SYT17: variants seen among roughly 807,000 people sequenced by gnomAD.
The protein encoded by SYT17 is synaptotagmin 17, also known as synaptotagmin-17.
A neutral mutation model predicts 46.7 loss-of-function variants in SYT17; 22 were observed. That is an observed-to-expected ratio of 0.47 (90% CI 0.34 to 0.67). The LOEUF (loss-of-function observed/expected upper bound fraction) is 0.67, where lower values mean the gene tolerates loss of function less well. Among genes scored for constraint, SYT17 ranks in the 30% least tolerant of loss-of-function variants. The pLI is 0.01. For missense variants in SYT17, 519 were observed against 612.8 expected, an observed-to-expected ratio of 0.85 and a Z score of 1.62; for synonymous variants, 251 against 248.4, an observed-to-expected ratio of 1.01 and a Z score of -0.10.
At chr16:19,187,921 G>T (rs1964848330) in intron 5 of SYT17, among the ~76,000 whole-genome samples, 1 of 152,182 alleles carries the variant, frequency 6.6e-6, no homozygotes, top group Non-Finnish European at 1.5e-5. Context: ...GGAAGACAGT[G>T]TCGCAATTCC....
rs1470118174 is a variant in SYT17, at chr16:19,168,798, G to A, written c.15+137G>A. The A allele has an allele frequency of 8.5e-7, 1 of 1,179,414 alleles. No homozygotes were observed. Among genetic ancestry groups the A allele is most frequent in the Non-Finnish European group, 1.1e-6 (1 of 872,104 alleles). 73.1% of individuals were successfully genotyped at this position (1,179,414 alleles called of 1,614,324 possible). On this transcript the variant is annotated intron_variant, in intron 1 of 7. Coordinates refer to ENST00000355377, the MANE Select transcript of SYT17 (RefSeq NM_016524.4). The surrounding 1 kb of genome is among the most constrained non-coding windows in gnomAD (Gnocchi z 6.9). ...TTCGAGAAAAAGGGTGCCCGTGCGC[G>A]GGCAACCTGTGCAGCAACAGGGGTG...
intron 7 of SYT17, among the ~76,000 whole-genome samples, chr16:19,227,252 A>G (rs1242745816): frequency 6.6e-6 from 1 of 151,560 alleles, no homozygotes; most frequent in Non-Finnish European, 1.5e-5. Context: ...TGGGGCAGCC[A>G]CCACCTTCTC....
At chr16:19,197,424 T>C (rs1186713842) in intron 5 of SYT17, among the ~76,000 whole-genome samples, 1 of 127,526 alleles carries the variant, frequency 7.8e-6, no homozygotes, top group Non-Finnish European at 1.7e-5. Flanking sequence ...TTTTTTGTTT[T>C]GTTTTGTTTG....
intron 3 of SYT17, among the ~76,000 whole-genome samples, chr16:19,177,188 G>C (rs1053506494): frequency 6.6e-6 from 1 of 152,146 alleles, no homozygotes; most frequent in African/African-American, 2.4e-5. Flanking sequence ...ACTTCTTTTG[G>C]TTTTGCCACT....
At chr16:19,217,169 CTTAA>C (rs926512777) in intron 5 of SYT17, among the ~76,000 whole-genome samples, 2 of 152,058 alleles carry the variant, frequency 1.3e-5, no homozygotes, top group Non-Finnish European at 2.9e-5. Flanking sequence ...GCAATTATTT[CTTAA>C]TTGAGGTGAA....
chr16:19,219,350 C>T lies in SYT17; in HGVS notation c.952-3695C>T, dbSNP rs1427719254. ...CCGGGAAGCGGAGCTTGCAGTGAGCCGAGATTGCGCCACTGCAGTCCGCAG... is the reference window on the plus strand; with the variant it reads ...CCGGGAAGCGGAGCTTGCAGTGAGCTGAGATTGCGCCACTGCAGTCCGCAG... On this transcript the variant is annotated intron_variant, in intron 5 of 7. Transcript: ENST00000355377. Among the ~76,000 whole-genome samples, 4 of 21,670 alleles carry T rather than the reference C, an allele frequency of 1.8e-4. 2 individuals are homozygous for T. Among genetic ancestry groups the T allele is most frequent in the Non-Finnish European group, 2.7e-4 (4 of 14,588 alleles). The allele number at this position is 21,670 out of a possible 152,430, so 14.2% of individuals were successfully genotyped here.
chr16:19,250,953 A>T (rs919995524), intron 7 of SYT17, among the ~76,000 whole-genome samples: 3 of 152,062 alleles, frequency 2.0e-5, no homozygotes, highest in African/African-American at 7.2e-5. Context: ...TTTGACCTTT[A>T]TGTAAATGGG....
intron 5 of SYT17, among the ~76,000 whole-genome samples, chr16:19,211,683 G>A (rs1965908009): frequency 1.3e-5 from 2 of 151,696 alleles, no homozygotes; most frequent in South Asian, 4.2e-4. Context: ...TGCAGTGGCG[G>A]GATCTCAGCT....
intron 7 of SYT17, among the ~76,000 whole-genome samples, chr16:19,234,627 A>C (rs1966819987): frequency 6.6e-6 from 1 of 152,186 alleles, no homozygotes; most frequent in African/African-American, 2.4e-5. Context: ...CACAGACTTG[A>C]GTTTGAATCT....
rs1964150758 is a variant in SYT17, at chr16:19,172,775, G to A, written c.31G>A (p.Glu11Lys). Residue 11 changes from glutamate (E) to lysine (K), a missense_variant and splice_region_variant, in exon 2 of 8, where the codon GAG becomes AAG. Physicochemically the swap from Glu to Lys is moderately conservative, Grantham distance 56. Transcript: ENST00000355377. ...AAAAGGGCAGTTGGAACCATTAAAC[G>A]AGGTGGGTTCATTTGATGATTTGTT... The part of the protein sequence containing the change: MAYIQLEPLN[E>K]GFLSRISGLL... 9.3e-6 allele frequency: 15 copies of A among 1,613,804 alleles called. No homozygotes were observed. The highest frequency in any genetic ancestry group is 2.7e-5 in the African/African-American group (2 of 74,812).
At chr16:19,210,083 TTTA>T (rs1965839722) in intron 5 of SYT17, among the ~76,000 whole-genome samples, 2 of 65,752 alleles carry the variant, frequency 3.0e-5, no homozygotes, top group Admixed American at 1.3e-4. Context: ...ATTTTATTAT[TTTA>T]TTTTTATTAG....
chr16:19,229,869 C>T (rs2142899372), intron 7 of SYT17, among the ~76,000 whole-genome samples: 1 of 152,254 alleles, frequency 6.6e-6, no homozygotes, highest in Middle Eastern at 3.4e-3. Flanking sequence ...TGGAATATTA[C>T]TCAGTCTTGA....
intron 3 of SYT17, 46 bp downstream of exon 3, chr16:19,173,624 T>C (rs1469777352): frequency 6.3e-7 from 1 of 1,597,392 alleles, no homozygotes; most frequent in Non-Finnish European, 8.5e-7. Flanking sequence ...TTTCAAGACT[T>C]TTCCTTTTTA....
At chr16:19,177,361 G>A (rs1034071685) in intron 3 of SYT17, among the ~76,000 whole-genome samples, 7 of 152,152 alleles carry the variant, frequency 4.6e-5, no homozygotes, top group East Asian at 1.9e-4. Flanking sequence ...GATGAATGAG[G>A]TCTCTTCTGA....
intron 5 of SYT17, chr16:19,211,297 G>T (rs1965889990): frequency 1.5e-6 from 1 of 651,110 alleles, no homozygotes; most frequent in East Asian, 2.8e-5. Flanking sequence ...AGGACAGGGG[G>T]TGGAACATCG....
intron 5 of SYT17, among the ~76,000 whole-genome samples, chr16:19,204,484 A>G (rs1965590501): frequency 6.6e-6 from 1 of 151,952 alleles, no homozygotes; most frequent in African/African-American, 2.4e-5. Flanking sequence ...CTTGCTGGTT[A>G]GGGGTGCTGG....
At chr16:19,173,134 C>A (rs1312677177) in intron 2 of SYT17, 18 of 535,242 alleles carry the variant, frequency 3.4e-5, no homozygotes, top group Non-Finnish European at 4.2e-5. Flanking sequence ...AAACCACCCA[C>A]ATGTCAAGAA....
chr16:19,182,687 G>A (rs1038871673), intron 4 of SYT17, among the ~76,000 whole-genome samples: 11 of 152,348 alleles, frequency 7.2e-5, no homozygotes, highest in African/African-American at 2.6e-4. Flanking sequence ...AGAATGCCAT[G>A]AGCTCATTGC....
In SYT17 at chr16:19,241,320, G is replaced by A. The variant is rs569887673; in HGVS notation, c.1228+16482G>A. Among the ~76,000 whole-genome samples, 88 of 152,054 alleles carry A rather than the reference G, an allele frequency of 5.8e-4. 1 individual carries two copies. The highest frequency in any genetic ancestry group is 2.1e-3 in the African/African-American group (87 of 41,514). On this transcript the variant is annotated intron_variant, in intron 7 of 7. Coordinates refer to ENST00000355377, the MANE Select transcript of SYT17 (RefSeq NM_016524.4). ...AGCAGGGAGGAGCCAGGCAGCAAAG[G>A]TGGGGTGGGGGATTGGGGCTGGGGA...
Sources: allele counts gnomAD v4.1 joint callset (sites outside exome capture counted in the v4.1 genomes callset), GRCh38; gene constraint gnomAD v4.1.1; non-coding constraint Gnocchi (gnomAD v3.1); transcripts MANE v1.5; gene names NCBI Gene and HGNC (gene_info 2026-07-23, HGNC 2026-07-21).